Variants in POLE4 observed in about 807,000 individuals in gnomAD.
POLE4 encodes DNA polymerase epsilon 4, accessory subunit.
In POLE4, 15 loss-of-function variants were observed where a neutral mutation model predicts 15.6. The ratio of observed to expected loss-of-function variants is 0.96; its 90% CI spans 0.64 to 1.48. The LOEUF is 1.48. POLE4 is among the 40% of genes most tolerant of loss of function. POLE4 has a pLI of 0.00. For missense variants in POLE4, 205 were observed against 151.9 expected, an observed-to-expected ratio of 1.35 and a Z score of -1.84; for synonymous variants, 83 against 63.2, an observed-to-expected ratio of 1.31 and a Z score of -1.49.
chr2:74,968,868 C>T (rs1671327620), intron 3 of POLE4, among the ~76,000 whole-genome samples: 1 of 151,970 alleles, frequency 6.6e-6, no homozygotes, highest in Non-Finnish European at 1.5e-5. Context: ...CCTTTTTCCT[C>T]TGCTCTATTT....
intron 2 of POLE4, among the ~76,000 whole-genome samples, 166 bp from the exon 3 acceptor site, chr2:74,959,939 A>G (rs1258380445): frequency 6.6e-6 from 1 of 152,186 alleles, no homozygotes; most frequent in African/African-American, 2.4e-5. Flanking sequence ...AATATATATA[A>G]GAGTTGCTGG....
At chr2:74,968,297 T>A (rs1671322299) in intron 3 of POLE4, among the ~76,000 whole-genome samples, 1 of 152,224 alleles carries the variant, frequency 6.6e-6, no homozygotes, top group Admixed American at 6.5e-5. Context: ...ATGTTTTTAT[T>A]TTCCCTATAT....
chr2:74,969,637 C>T lies in POLE4; in HGVS notation c.*215C>T, dbSNP rs1352704104. On this transcript the variant is annotated 3_prime_UTR_variant, in exon 4 of 4. Coordinates refer to ENST00000483063, the MANE Select transcript of POLE4 (RefSeq NM_019896.4). ...CTGTCTTCCATATCAAGCCTGGATG[C>T]AGCTGCTGCTGCTTAGAGCAGAGAT... 2 of 606,094 alleles carry T rather than the reference C, an allele frequency of 3.3e-6. No individual in the cohort carries two copies. Among genetic ancestry groups the T allele is most frequent in the African/African-American group, 1.8e-5 (1 of 54,552 alleles). 37.5% of individuals were successfully genotyped at this position (606,094 alleles called of 1,614,324 possible). A position where few individuals can be genotyped will look rare whatever the true frequency, so the allele number is the denominator to read the frequency against.
intron 3 of POLE4, chr2:74,961,539 C>T (rs1280645896): frequency 6.6e-6 from 1 of 152,180 alleles, no homozygotes; most frequent in Non-Finnish European, 1.5e-5. Context: ...ACCAGCTTTT[C>T]AAAGACATGA....
At chr2:74,965,518 T>C (rs765455447) in intron 3 of POLE4, among the ~76,000 whole-genome samples, 6 of 152,246 alleles carry the variant, frequency 3.9e-5, no homozygotes, top group Non-Finnish European at 8.8e-5. Flanking sequence ...AATTTGGTTA[T>C]TGTATAATTT....
chr2:74,961,332 TGGCCA>T (rs2103674968), intron 3 of POLE4: 1 of 152,338 alleles, frequency 6.6e-6, no homozygotes, highest in East Asian at 1.9e-4. Flanking sequence ...TAGACTACCA[TGGCCA>T]ACTCTATGTC....
At chr2:74,958,984 G>C (rs1318350837) in intron 1 of POLE4, 92 bp downstream of exon 1, 1 of 1,224,540 alleles carries the variant, frequency 8.2e-7, no homozygotes, top group Admixed American at 2.5e-5. Flanking sequence ...TTAGGGCGGC[G>C]TGGCCCGGGT....
intron 2 of POLE4, chr2:74,959,878 C>T (rs1287008293): frequency 5.7e-6 from 3 of 522,772 alleles, no homozygotes; most frequent in East Asian, 6.0e-5. Context: ...CCAACCCCCG[C>T]GTTGAATGGT....
At chr2:74,964,561 T>C (rs1196713759) in intron 3 of POLE4, among the ~76,000 whole-genome samples, 4 of 152,116 alleles carry the variant, frequency 2.6e-5, no homozygotes, top group African/African-American at 7.2e-5. Flanking sequence ...CTTAATATTT[T>C]TGATGATATT....
At chr2:74,967,291 A>G (rs974085170) in intron 3 of POLE4, among the ~76,000 whole-genome samples, 6 of 130,890 alleles carry the variant, frequency 4.6e-5, no homozygotes, top group Admixed American at 1.5e-4. Flanking sequence ...TATTCTCTCC[A>G]TTTGTCTCAT....
At chr2:74,967,298 T>C (rs1378490433) in intron 3 of POLE4, among the ~76,000 whole-genome samples, 3 of 152,026 alleles carry the variant, frequency 2.0e-5, no homozygotes, top group Non-Finnish European at 4.4e-5. Flanking sequence ...TCCATTTGTC[T>C]CATTTCCTTT....
intron 3 of POLE4, among the ~76,000 whole-genome samples, chr2:74,964,154 G>C (rs566257966): frequency 1.4e-4 from 21 of 152,226 alleles, no homozygotes; most frequent in African/African-American, 5.1e-4. Context: ...ATCAATCAAG[G>C]CTGTTTCTGG....
Position 74,958,690 on chromosome 2 carries a change from CGGCGGCGGCAGGAAGCGGGA to C in POLE4, c.12_31del (p.Ala6ProfsTer89). 6.8e-7 allele frequency: 1 copy of C among 1,466,212 alleles called. No homozygotes were observed. Among genetic ancestry groups the C allele is most frequent in the Non-Finnish European group, 9.0e-7 (1 of 1,114,714 alleles). 90.8% of individuals were successfully genotyped at this position (1,466,212 alleles called of 1,614,324 possible). ...ACGCTCAAGGCCGGGATGGCGGCGGCGGCGGCGGCAGGAAGCGGGACGCCCCGAGAGGAGGAGGGACCTGC... is the reference window on the plus strand; with the variant it reads ...ACGCTCAAGGCCGGGATGGCGGCGGCCGCCCCGAGAGGAGGAGGGACCTGC... On this transcript the variant is annotated frameshift_variant, in exon 1 of 4. Coordinates refer to ENST00000483063, the MANE Select transcript of POLE4 (RefSeq NM_019896.4). LOFTEE classifies it high-confidence loss of function.
chr2:74,958,906 G>C lies in POLE4; in HGVS notation c.213+14G>C. On this transcript the variant is annotated intron_variant, in intron 1 of 3. Transcript: ENST00000483063. ...GCACGAGCCGCGGTGCGCCTGCAGC[G>C]CGAGGGCATGCGGGAGTGGGGGAGG... 1 of 1,550,208 alleles carries C rather than the reference G, an allele frequency of 6.5e-7. No homozygotes were observed. Among genetic ancestry groups the C allele is most frequent in the Non-Finnish European group, 8.7e-7 (1 of 1,146,082 alleles).
intron 3 of POLE4, among the ~76,000 whole-genome samples, chr2:74,964,368 G>T (rs181406854): frequency 7.2e-5 from 11 of 152,140 alleles, no homozygotes; most frequent in African/African-American, 2.7e-4. Flanking sequence ...CACAAAAAGA[G>T]ATATTAATTG....
intron 3 of POLE4, among the ~76,000 whole-genome samples, chr2:74,962,897 C>A (rs12713820): frequency 0.44 from 67,069 of 152,082 alleles, 15,111 homozygotes; most frequent in Middle Eastern, 0.64. Context: ...GCAAATGGAA[C>A]CAAACCGTAT....
intron 3 of POLE4, among the ~76,000 whole-genome samples, chr2:74,963,835 G>A (rs138508707): frequency 5.9e-5 from 9 of 152,096 alleles, no homozygotes; most frequent in African/African-American, 9.6e-5. Flanking sequence ...TATATGAGAC[G>A]TATCTTTTCC....
At chr2:74,965,090 ATTTTTT>A (rs35849174) in intron 3 of POLE4, among the ~76,000 whole-genome samples, 1 of 124,938 alleles carries the variant, frequency 8.0e-6, no homozygotes, top group Non-Finnish European at 1.7e-5. Flanking sequence ...CTTTTTATCT[ATTTTTT>A]TTTTTTTTTT....
intron 3 of POLE4, among the ~76,000 whole-genome samples, chr2:74,967,025 G>T (rs1159931949): frequency 2.6e-5 from 4 of 151,518 alleles, no homozygotes; most frequent in African/African-American, 9.7e-5. Context: ...TTTTCACTTT[G>T]ATTTTCTGTG....
Sources: gnomAD v4.1 joint callset for allele counts (sites outside exome capture counted in the v4.1 genomes callset) on GRCh38, gnomAD v4.1.1 for gene constraint, MANE v1.5 for transcripts, NCBI Gene and HGNC (gene_info 2026-07-23, HGNC 2026-07-21) for gene names.